Variants in HEMK2 observed in about 807,000 individuals in gnomAD.
HEMK2 encodes HemK methyltransferase 2, ETF1 glutamine and histone H4 lysine, also known as methyltransferase HEMK2.
chr21:28,635,225 C>G, the HEMK2 span, among the ~76,000 whole-genome samples: 2 of 151,972 alleles, frequency 1.3e-5, no homozygotes, highest in Non-Finnish European at 2.9e-5. Flanking sequence ...CCTGAGCCTC[C>G]CAAGCTAGCT....
chr21:28,652,607 A>G, the HEMK2 span, among the ~76,000 whole-genome samples: 1 of 152,166 alleles, frequency 6.6e-6, no homozygotes, highest in Non-Finnish European at 1.5e-5. Flanking sequence ...GAAATAAACT[A>G]AATTCTTGAG....
At chr21:28,872,344 C>G in the HEMK2 span, 1 of 152,180 alleles carries the variant, frequency 6.6e-6, no homozygotes, top group African/African-American at 2.4e-5. Flanking sequence ...GCAAACTCCT[C>G]GTGGCTCCAC....
At chr21:28,790,504 T>C in the HEMK2 span, among the ~76,000 whole-genome samples, 1 of 152,072 alleles carries the variant, frequency 6.6e-6, no homozygotes, top group Admixed American at 6.5e-5. Flanking sequence ...AATACAACAG[T>C]TTCCATTCAG....
At chr21:28,810,717 T>C in the HEMK2 span, among the ~76,000 whole-genome samples, 1 of 152,178 alleles carries the variant, frequency 6.6e-6, no homozygotes, top group South Asian at 2.1e-4. Flanking sequence ...TCATAACCCA[T>C]AGCCAAAACC....
chr21:28,764,559 A>G, the HEMK2 span, among the ~76,000 whole-genome samples: 18 of 152,264 alleles, frequency 1.2e-4, no homozygotes, highest in African/African-American at 4.3e-4. Flanking sequence ...CAAACGTCCT[A>G]TAAAAGATAA....
the HEMK2 span, among the ~76,000 whole-genome samples, chr21:28,612,913 C>T: frequency 6.6e-6 from 1 of 152,134 alleles, no homozygotes; most frequent in Non-Finnish European, 1.5e-5. Context: ...AACTACGAAA[C>T]ACTGATGAAA....
the HEMK2 span, among the ~76,000 whole-genome samples, chr21:28,606,268 C>A: frequency 6.6e-6 from 1 of 152,124 alleles, no homozygotes; most frequent in Non-Finnish European, 1.5e-5. Context: ...CGCCAGGGAG[C>A]CTTAAAAGGT....
the HEMK2 span, among the ~76,000 whole-genome samples, chr21:28,816,023 A>G: frequency 4.6e-5 from 7 of 152,206 alleles, no homozygotes; most frequent in East Asian, 1.3e-3. Flanking sequence ...GGGCACACAA[A>G]GAGACACCAG....
At chr21:28,658,431 C>A in the HEMK2 span, among the ~76,000 whole-genome samples, 1 of 152,020 alleles carries the variant, frequency 6.6e-6, no homozygotes, top group African/African-American at 2.4e-5. Flanking sequence ...GGAATAAATA[C>A]AACCCACTTC....
chr21:28,803,629 T>C, the HEMK2 span, among the ~76,000 whole-genome samples: 1 of 152,190 alleles, frequency 6.6e-6, no homozygotes, highest in Non-Finnish European at 1.5e-5. Context: ...TTCTCTCTCA[T>C]CACTACCTCT....
the HEMK2 span, among the ~76,000 whole-genome samples, chr21:28,682,317 G>A: frequency 6.6e-6 from 1 of 152,032 alleles, no homozygotes; most frequent in South Asian, 2.1e-4. Flanking sequence ...ACCATCACTG[G>A]CCATCAGAGA....
chr21:28,594,696 A>T, the HEMK2 span, among the ~76,000 whole-genome samples: 1 of 152,200 alleles, frequency 6.6e-6, no homozygotes, highest in Non-Finnish European at 1.5e-5. Flanking sequence ...GATAATAAAC[A>T]TCAAATTTTT....
chr21:28,751,234 G>GACAAAAAAAAA, the HEMK2 span, among the ~76,000 whole-genome samples: 2 of 125,394 alleles, frequency 1.6e-5, no homozygotes, highest in Non-Finnish European at 3.4e-5. Flanking sequence ...CTGTCTCAAT[G>GACAAAAAAAAA]AAAAAAAAAA....
the HEMK2 span, among the ~76,000 whole-genome samples, chr21:28,691,423 G>A: frequency 6.6e-6 from 1 of 152,068 alleles, no homozygotes; most frequent in Admixed American, 6.6e-5. Context: ...CTTATTAAAA[G>A]CCCAAATTGT....
At chr21:28,783,308 C>G in the HEMK2 span, among the ~76,000 whole-genome samples, 1 of 152,100 alleles carries the variant, frequency 6.6e-6, no homozygotes, top group Non-Finnish European at 1.5e-5. Context: ...CCTCAGCCTC[C>G]CAAGTAGCTG....
chr21:28,674,132 T>C, the HEMK2 span, among the ~76,000 whole-genome samples: 2 of 152,132 alleles, frequency 1.3e-5, no homozygotes, highest in African/African-American at 2.4e-5. Context: ...ACAAGAGTAA[T>C]CTCTGGTCAT....
chr21:28,823,276 G>A, the HEMK2 span, among the ~76,000 whole-genome samples: 1 of 152,130 alleles, frequency 6.6e-6, no homozygotes, highest in African/African-American at 2.4e-5. Context: ...CTTTTCTGTT[G>A]TGATTTTTCA....
chr21:28,821,316 C>G, the HEMK2 span, among the ~76,000 whole-genome samples: 2 of 152,168 alleles, frequency 1.3e-5, no homozygotes, highest in African/African-American at 4.8e-5. Context: ...ATCTGAATCT[C>G]CGCTGCCCCA....
chr21:28,679,118 A>G, the HEMK2 span, among the ~76,000 whole-genome samples: 1 of 152,238 alleles, frequency 6.6e-6, no homozygotes, highest in Non-Finnish European at 1.5e-5. Context: ...TAAAGAGTCA[A>G]GACCCATCAG....
Sources: gnomAD v4.1 joint callset for allele counts (sites outside exome capture counted in the v4.1 genomes callset) on GRCh38, gnomAD v4.1.1 for gene constraint, MANE v1.5 for transcripts, NCBI Gene and HGNC (gene_info 2026-07-23, HGNC 2026-07-21) for gene names.